Variants in TMEM87A observed in about 807,000 individuals in gnomAD.
The protein encoded by TMEM87A is Golgi-pH regulating cation channel.
A neutral mutation model predicts 90.0 loss-of-function variants in TMEM87A; 50 were observed. The ratio of observed to expected loss-of-function variants is 0.56; its 90% CI spans 0.44 to 0.70. TMEM87A has a LOEUF of 0.70. Among genes scored for constraint, TMEM87A ranks in the 30% least tolerant of loss-of-function variants. The pLI, the probability that TMEM87A is intolerant of heterozygous loss-of-function variation, is 0.00. For missense variants in TMEM87A, 577 were observed against 660.5 expected (o/e 0.87, Z 1.39); for synonymous variants, 226 against 226.7 (o/e 1.00, Z 0.03).
chr15:42,239,107 G>A (rs2050827295), intron 8 of TMEM87A, among the ~76,000 whole-genome samples: 1 of 152,106 alleles, frequency 6.6e-6, no homozygotes, highest in Non-Finnish European at 1.5e-5. Context: ...GCAGTGGCAA[G>A]ATCTCAGCTC....
intron 15 of TMEM87A, among the ~76,000 whole-genome samples, chr15:42,223,332 G>A (rs1440405262): frequency 1.3e-5 from 2 of 152,150 alleles, no homozygotes; most frequent in South Asian, 2.1e-4. Flanking sequence ...GGTGGAGGTT[G>A]TAGTGGGCCA....
intron 1 of TMEM87A, chr15:42,272,859 AG>A: frequency 2.3e-6 from 1 of 442,676 alleles, no homozygotes; most frequent in African/African-American, 2.0e-5. Flanking sequence ...AGGAAGAAAA[AG>A]AAAGAAAGAA....
intron 3 of TMEM87A, 86 bp downstream of exon 3, chr15:42,267,861 T>C (rs2051436098): frequency 1.8e-6 from 2 of 1,085,948 alleles, no homozygotes; most frequent in Non-Finnish European, 2.7e-6. Context: ...CATAGCTACA[T>C]GATACTCTTT....
intron 1 of TMEM87A, 177 bp downstream of exon 1, chr15:42,273,078 G>T: frequency 1.3e-6 from 1 of 742,618 alleles, no homozygotes; most frequent in East Asian, 2.7e-5. Flanking sequence ...CCTAATCACA[G>T]AAGTGCGCGG....
intron 2 of TMEM87A, among the ~76,000 whole-genome samples, chr15:42,269,778 T>C (rs2051477961): frequency 6.9e-6 from 1 of 145,842 alleles, no homozygotes; most frequent in African/African-American, 2.5e-5. Context: ...CTACTAAAAA[T>C]ACAAAAAATT....
At chr15:42,256,489 G>A (rs1359494015) in intron 6 of TMEM87A, among the ~76,000 whole-genome samples, 1 of 152,144 alleles carries the variant, frequency 6.6e-6, no homozygotes, top group Non-Finnish European at 1.5e-5. Flanking sequence ...TTTTCAGGAA[G>A]AAAGATCAAA....
chr15:42,229,608 T>A (rs1395182909), intron 12 of TMEM87A, among the ~76,000 whole-genome samples: 1 of 152,058 alleles, frequency 6.6e-6, no homozygotes, highest in South Asian at 2.1e-4. Flanking sequence ...CTCCCAGAGA[T>A]CTACACTCAG....
intron 6 of TMEM87A, among the ~76,000 whole-genome samples, chr15:42,260,170 C>T (rs2051260864): frequency 6.6e-6 from 1 of 152,168 alleles, no homozygotes; most frequent in South Asian, 2.1e-4. Context: ...CCTAGGAGTT[C>T]TATACCAGCC....
rs752127790 is a variant in TMEM87A at position 42,272,123 on chromosome 15, C to A, written c.145G>T (p.Gly49Trp). 29 of 1,604,722 alleles carry A rather than the reference C, an allele frequency of 1.8e-5. No homozygotes were observed. Among genetic ancestry groups the A allele is most frequent in the Non-Finnish European group, 2.5e-5 (29 of 1,175,360 alleles). ...RSKWHIPIPS[G>W]KNYFSFGKIL... ...TTTCCAAAACTAAAATAATTTTTCC[C>A]CTGCAAACATAAAGGAAAGATAATT... The change falls in exon 2 of 20, where the codon GGG (glycine) becomes TGG (tryptophan). Residue 49 changes from glycine (G) to tryptophan (W), a missense_variant and splice_region_variant. Transcript: ENST00000389834.
intron 6 of TMEM87A, chr15:42,258,944 G>C (rs2051234279): frequency 1.8e-6 from 2 of 1,104,840 alleles, no homozygotes; most frequent in Non-Finnish European, 1.4e-6. Flanking sequence ...AATTATTAAA[G>C]TCTTTCAACA....
chr15:42,217,853 C>G lies in TMEM87A; in HGVS notation c.1596-20G>C. Reference sequence around the variant, plus strand: ...AGTGCTCTGCAAAGAGAGAGAAATACTAAATTGAACAATGTAAAATAAAGC... The same window carrying G: ...AGTGCTCTGCAAAGAGAGAGAAATAGTAAATTGAACAATGTAAAATAAAGC... On this transcript the variant is annotated intron_variant, in intron 18 of 19. Transcript: ENST00000389834. 6.2e-7 allele frequency: 1 copy of G among 1,609,600 alleles called. No individual in the cohort carries two copies. Among genetic ancestry groups the G allele is most frequent in the South Asian group, 1.1e-5 (1 of 90,120 alleles).
chr15:42,245,214 A>C (rs867341837), intron 6 of TMEM87A, among the ~76,000 whole-genome samples: 1 of 152,176 alleles, frequency 6.6e-6, no homozygotes, highest in South Asian at 2.1e-4. Context: ...GACGAGACTC[A>C]CAACCAATTT....
rs1326744010 is a variant in TMEM87A, at chr15:42,233,239, T to C, written c.1036A>G (p.Met346Val). 1.9e-6 allele frequency: 3 copies of C among 1,614,014 alleles called. No individual in the cohort carries two copies. Among genetic ancestry groups the C allele is most frequent in the Admixed American group, 1.7e-5 (1 of 60,008 alleles). Residue 346 changes from methionine to valine, a missense_variant, in exon 11 of 20, where the codon ATG (methionine) becomes GTG (valine). Coordinates refer to ENST00000389834, the MANE Select transcript of TMEM87A (RefSeq NM_015497.5). ...AGALYLLFSG[M>V]EGVLRVTGAQ... ...CCAGTAACTCTGAGGACCCCTTCCA[T>C]GCCAGAGAACAAAAGATAGAGGGCT...
At chr15:42,230,193 C>T (rs538339774) in intron 12 of TMEM87A, among the ~76,000 whole-genome samples, 3 of 152,280 alleles carry the variant, frequency 2.0e-5, no homozygotes, top group South Asian at 2.1e-4. Flanking sequence ...CTTACAGAGC[C>T]GTAGCTGTTA....
At chr15:42,213,387 C>T (rs1385064115) in intron 19 of TMEM87A, among the ~76,000 whole-genome samples, 2 of 152,172 alleles carry the variant, frequency 1.3e-5, no homozygotes, top group Non-Finnish European at 2.9e-5. Flanking sequence ...AGGTAGAATC[C>T]CCAACATCCC....
At chr15:42,258,484 T>A in intron 6 of TMEM87A, 1 of 439,064 alleles carries the variant, frequency 2.3e-6, no homozygotes, top group Non-Finnish European at 3.0e-6. Context: ...TGGAGTGCAG[T>A]AGCGTGATCT....
chr15:42,246,179 T>C (rs1046738988), intron 6 of TMEM87A, among the ~76,000 whole-genome samples: 1 of 152,254 alleles, frequency 6.6e-6, no homozygotes, highest in African/African-American at 2.4e-5. Context: ...TTTTCAGGGT[T>C]CATCTATATT....
chr15:42,270,604 T>G (rs2051502810), intron 2 of TMEM87A, among the ~76,000 whole-genome samples: 1 of 151,734 alleles, frequency 6.6e-6, no homozygotes, highest in South Asian at 2.1e-4. Context: ...TTAAAAAAAA[T>G]GCAGTTGGTT....
At chr15:42,226,652 A>C (rs1175792247) in intron 15 of TMEM87A, 154 bp downstream of exon 15, 1 of 666,178 alleles carries the variant, frequency 1.5e-6, no homozygotes, top group Non-Finnish European at 2.6e-6. Flanking sequence ...TGAAGTTAAG[A>C]GGAGAGCTGA....
Sources: allele counts gnomAD v4.1 joint callset (sites outside exome capture counted in the v4.1 genomes callset), GRCh38; gene constraint gnomAD v4.1.1; transcripts MANE v1.5; gene names NCBI Gene and HGNC (gene_info 2026-07-23, HGNC 2026-07-21).